SLC16A6: variants seen among roughly 807,000 people sequenced by gnomAD.
The protein encoded by SLC16A6 is monocarboxylate transporter 7.
In SLC16A6, 15 loss-of-function variants were observed where a neutral mutation model predicts 33.8. The observed-to-expected ratio is 0.44, with a 90% CI of 0.30 to 0.68. The LOEUF (loss-of-function observed/expected upper bound fraction) is 0.68. Ranked by LOEUF, SLC16A6 falls within the 30% of genes least tolerant of loss-of-function variation. The pLI is 0.10. For synonymous variants in SLC16A6, 219 were observed against 248.4 expected (o/e 0.88, Z 1.11); for missense variants, 451 against 661.5 (o/e 0.68, Z 3.49).
At chr17:68,272,573 G>A (rs1421538438) in intron 4 of SLC16A6, 66 bp downstream of exon 4, 31 of 1,574,882 alleles carry the variant, frequency 2.0e-5, no homozygotes, top group East Asian at 2.3e-5. Context: ...AAAAGTTAGC[G>A]TAGCAAGAAT....
intron 1 of SLC16A6, among the ~76,000 whole-genome samples, chr17:68,281,783 C>T (rs545693930): frequency 2.9e-4 from 44 of 151,944 alleles, no homozygotes; most frequent in East Asian, 9.7e-4. Context: ...GGCAAGGATG[C>T]GGAGAAAAGA....
intron 2 of SLC16A6, among the ~76,000 whole-genome samples, chr17:68,275,305 GAAC>G (rs1468182148): frequency 6.6e-6 from 1 of 152,072 alleles, no homozygotes; most frequent in African/African-American, 2.4e-5. Flanking sequence ...TTGGGTCAAG[GAAC>G]AACAACATGC....
Position 68,278,232 on chromosome 17 carries a change from G to A in SLC16A6, c.89C>T (p.Ser30Leu), listed in dbSNP as rs782067287. The change falls in exon 2 of 6, where the codon TCA becomes TTA. Residue 30 changes from serine to leucine, a missense_variant. Transcript: ENST00000580666. ...GGTGAAGACTTCAACGAAGAAAAAT[G>A]AAACAGCTACCGCCCAGCCCCATCC... ...DGGWGWAVAVSFFFVEVFTYG... is the reference protein window; with the variant it reads ...DGGWGWAVAVLFFFVEVFTYG... The A allele has an allele frequency of 1.2e-6, 2 of 1,614,158 alleles. No individual in the cohort carries two copies. The highest frequency in any genetic ancestry group is 3.3e-5 in the Admixed American group (2 of 60,004).
At chr17:68,275,978 G>A (rs113261167) in intron 2 of SLC16A6, among the ~76,000 whole-genome samples, 27,765 of 147,956 alleles carry the variant, frequency 0.19, 2,898 homozygotes, top group East Asian at 0.28. Flanking sequence ...GCGAGACTCC[G>A]TCTCAAAAAA....
At chr17:68,274,926 A>G (rs990434620) in intron 2 of SLC16A6, among the ~76,000 whole-genome samples, 9 of 151,974 alleles carry the variant, frequency 5.9e-5, no homozygotes, top group African/African-American at 2.2e-4. Context: ...GATTACAGGC[A>G]TGTGCCACCA....
intron 1 of SLC16A6, among the ~76,000 whole-genome samples, chr17:68,286,116 A>C (rs1231897551): frequency 3.9e-5 from 6 of 152,164 alleles, no homozygotes; most frequent in African/African-American, 1.4e-4. Flanking sequence ...TGTGGGTTGC[A>C]TTTAGATGAG....
At position 68,274,072 on chromosome 17, in the gene SLC16A6, T is replaced by G; in HGVS notation, c.233-2A>C. On this transcript the variant is annotated splice_acceptor_variant, in intron 2 of 5. Transcript: ENST00000580666. LOFTEE classifies it high-confidence loss of function. The stretch of plus-strand genomic sequence containing the variant: ...TGCTCAGGACTGTGGCGAGGGGAGC[T>G]GCCGGGAAAGAACAAAACGATATTT... 1 of 1,611,662 alleles carries G rather than the reference T, an allele frequency of 6.2e-7. No individual in the cohort carries two copies. Among genetic ancestry groups the G allele is most frequent in the Non-Finnish European group, 8.5e-7 (1 of 1,178,292 alleles).
chr17:68,270,786 A>G, intron 5 of SLC16A6, 53 bp downstream of exon 5: 2 of 1,456,440 alleles, frequency 1.4e-6, no homozygotes, highest in South Asian at 1.4e-5. Context: ...GGAAGCTAGC[A>G]CAATTCACAA....
chr17:68,282,545 TC>T (rs2075726174), intron 1 of SLC16A6, among the ~76,000 whole-genome samples: 2 of 150,854 alleles, frequency 1.3e-5, no homozygotes, highest in Admixed American at 1.3e-4. Context: ...ACGCCTGTAA[TC>T]CCAGCACTTT....
At chr17:68,278,358 C>T (rs1314598869) in intron 1 of SLC16A6, 31 bp from the exon 2 acceptor site, 1 of 1,412,580 alleles carries the variant, frequency 7.1e-7, no homozygotes, top group Admixed American at 1.7e-5. Flanking sequence ...CAATTCAGAT[C>T]AGCAATAGCA....
chr17:68,277,419 C>T (rs184704363), intron 2 of SLC16A6, among the ~76,000 whole-genome samples: 305 of 151,526 alleles, frequency 2.0e-3, no homozygotes, highest in Non-Finnish European at 3.2e-3. Flanking sequence ...CGTGAGCCAC[C>T]GCGCCCGGCC....
At chr17:68,272,028 C>T (rs1555749090) in intron 4 of SLC16A6, among the ~76,000 whole-genome samples, 1 of 152,110 alleles carries the variant, frequency 6.6e-6, no homozygotes, top group Non-Finnish European at 1.5e-5. Context: ...GTCTCGATCT[C>T]CTGACCTCCT....
chr17:68,290,636 C>T (rs1405265374), intron 1 of SLC16A6, among the ~76,000 whole-genome samples: 3 of 152,214 alleles, frequency 2.0e-5, no homozygotes, highest in African/African-American at 4.8e-5. Context: ...GCCTCAGTGC[C>T]CGGCCTGCGT....
At chr17:68,276,306 C>T (rs1555750892) in intron 2 of SLC16A6, among the ~76,000 whole-genome samples, 1 of 151,954 alleles carries the variant, frequency 6.6e-6, no homozygotes, top group Non-Finnish European at 1.5e-5. Flanking sequence ...TGTAGAACTG[C>T]CTTGTAAAGA....
Position 68,271,042 on chromosome 17 carries a change from A to G in SLC16A6, c.1118T>C (p.Leu373Pro). Reference protein sequence around the residue: ...LICVILLTVSLFAFTFATEFW... With the variant: ...LICVILLTVSPFAFTFATEFW... ...TTCAGTAGCAAAAGTAAAGGCAAAC[A>G]GAGACACAGTCAATAAGATGACGCA... The change falls in exon 5 of 6, where the codon CTG becomes CCG. Residue 373 changes from leucine to proline, a missense_variant. By Grantham distance (98) the Leu-to-Pro change is moderately conservative (BLOSUM62 -3). This residue lies in a region of SLC16A6 where 405 missense variants were observed against 510.7 expected (regional missense o/e 0.79). Coordinates refer to ENST00000580666, the MANE Select transcript of SLC16A6 (RefSeq NM_004694.5). This position sits in a 1 kb window ranked among gnomAD's most constrained non-coding sequence, Gnocchi z 5.3. 1 of 1,614,242 alleles carries G rather than the reference A, an allele frequency of 6.2e-7. No individual in the cohort carries two copies.
intron 2 of SLC16A6, among the ~76,000 whole-genome samples, chr17:68,275,032 G>A (rs1168427180): frequency 6.6e-6 from 1 of 152,104 alleles, no homozygotes; most frequent in Non-Finnish European, 1.5e-5. Context: ...CGCCCACCTC[G>A]GCCTCCCAAA....
chr17:68,282,779 TA>T (rs36155626), intron 1 of SLC16A6, among the ~76,000 whole-genome samples: 37 of 53,400 alleles, frequency 6.9e-4, no homozygotes, highest in Middle Eastern at 0.015. Context: ...CCATCTCTAC[TA>T]AAAAAAAAAA....
chr17:68,273,058 A>G (rs1430650817), intron 3 of SLC16A6, among the ~76,000 whole-genome samples: 1 of 151,682 alleles, frequency 6.6e-6, no homozygotes, highest in Non-Finnish European at 1.5e-5. Flanking sequence ...CTATTATTGC[A>G]TGAAATTTTA....
At position 68,267,036 on chromosome 17, in the gene SLC16A6, T is replaced by TA. The variant is rs1475913212; in HGVS notation, c.*2059dup. The TA allele has an allele frequency of 2.6e-5, 4 of 152,126 alleles. No individual in the cohort carries two copies. Among genetic ancestry groups the TA allele is most frequent in the African/African-American group, 4.8e-5 (2 of 41,428 alleles). 9.4% of individuals were successfully genotyped at this position (152,126 alleles called of 1,614,324 possible). Reference sequence around the variant, plus strand: ...TTAGAAGAGAATCGGTCTCTTTAAATAAAAAATCCATAAATTTATTGCAAA... The same window carrying TA: ...TTAGAAGAGAATCGGTCTCTTTAAATAAAAAAATCCATAAATTTATTGCAAA... On this transcript the variant is annotated 3_prime_UTR_variant, in exon 6 of 6. Transcript: ENST00000580666.
Sources: gnomAD v4.1 joint callset for allele counts (sites outside exome capture counted in the v4.1 genomes callset) on GRCh38, gnomAD v4.1.1 for gene constraint, gnomAD v4.1.1 regional missense constraint, Gnocchi (gnomAD v3.1) non-coding constraint, MANE v1.5 for transcripts, NCBI Gene and HGNC (gene_info 2026-07-23, HGNC 2026-07-21) for gene names.